The following NMBR variants were observed in gnomAD, a reference collection of about 807,000 sequenced individuals.
The protein encoded by NMBR is neuromedin-B receptor.
In NMBR, 16 loss-of-function variants were observed where a neutral mutation model predicts 20.5. The ratio of observed to expected loss-of-function variants is 0.78; its 90% CI spans 0.53 to 1.19. The LOEUF (loss-of-function observed/expected upper bound fraction) is 1.19. NMBR is among the 50% of genes most tolerant of loss of function. The pLI is 0.00. For synonymous variants in NMBR, 212 were observed against 196.6 expected, an observed-to-expected ratio of 1.08 and a Z score of -0.65; for missense variants, 582 against 499.1, an observed-to-expected ratio of 1.17 and a Z score of -1.58.
At chr6:142,105,677 A>G (rs1472306838) in intron 1 of NMBR, among the ~76,000 whole-genome samples, 1 of 152,128 alleles carries the variant, frequency 6.6e-6, no homozygotes, top group African/African-American at 2.4e-5. Flanking sequence ...TGTTCTGTAT[A>G]CAGAATTGTT....
intron 1 of NMBR, among the ~76,000 whole-genome samples, chr6:142,103,161 G>A (rs1777596419): frequency 1.3e-5 from 2 of 152,198 alleles, no homozygotes; most frequent in Admixed American, 6.5e-5. Context: ...CTGATACTCT[G>A]AGAAGACCAT....
At position 142,088,332 on chromosome 6, in the gene NMBR, C is replaced by T. The variant is rs1420990339; in HGVS notation, c.327G>A (p.Trp109Ter). The T allele has an allele frequency of 1.2e-6, 2 of 1,614,140 alleles. No homozygotes were observed. The highest frequency in any genetic ancestry group is 1.7e-6 in the Non-Finnish European group (2 of 1,180,032). The change falls in exon 2 of 4, where the codon TGG becomes TGA. Residue 109 changes from tryptophan to a stop codon, truncating the protein, a stop_gained. Coordinates refer to ENST00000258042, the MANE Select transcript of NMBR (RefSeq NM_002511.4). LOFTEE classifies it high-confidence loss of function. The stretch of plus-strand genomic sequence containing the variant: ...GTTTGCAGCCCACCTTGCCAAACAT[C>T]CACTCGTCGAAGAAGTAGCGCGAGG... Reference protein sequence around the residue: ...VDASRYFFDEWMFGKVGCKLI... With the variant: ...VDASRYFFDE
chr6:142,077,597 T>A (rs1325337688), intron 3 of NMBR, among the ~76,000 whole-genome samples: 2 of 152,222 alleles, frequency 1.3e-5, no homozygotes, highest in African/African-American at 4.8e-5. Flanking sequence ...GGATCTTTGA[T>A]GTTGATGGCC....
intron 1 of NMBR, among the ~76,000 whole-genome samples, chr6:142,137,682 T>A (rs1778285989): frequency 6.6e-6 from 1 of 152,174 alleles, no homozygotes; most frequent in African/African-American, 2.4e-5. Context: ...AATACCTAAT[T>A]TCTTGAGAGT....
At chr6:142,105,397 G>A (rs982805001) in intron 1 of NMBR, among the ~76,000 whole-genome samples, 1 of 152,134 alleles carries the variant, frequency 6.6e-6, no homozygotes, top group African/African-American at 2.4e-5. Flanking sequence ...CTAGTTTTAT[G>A]TTGTGTATTA....
At chr6:142,094,521 G>T (rs1172168811) in intron 1 of NMBR, among the ~76,000 whole-genome samples, 2 of 152,114 alleles carry the variant, frequency 1.3e-5, no homozygotes, top group East Asian at 3.9e-4. Flanking sequence ...TCTCTGTTTT[G>T]GTACCAGTAC....
At chr6:142,107,855 A>C (rs1001726728) in intron 1 of NMBR, among the ~76,000 whole-genome samples, 6 of 137,700 alleles carry the variant, frequency 4.4e-5, no homozygotes, top group Admixed American at 7.7e-5. Context: ...ATGTCTCAAC[A>C]AATAGAGACT....
chr6:142,099,562 C>A (rs1367960657), intron 1 of NMBR, among the ~76,000 whole-genome samples: 20 of 152,090 alleles, frequency 1.3e-4, no homozygotes, highest in African/African-American at 4.6e-4. Flanking sequence ...CCAGGCCCCT[C>A]CCCCGACATG....
intron 1 of NMBR, among the ~76,000 whole-genome samples, chr6:142,120,901 G>A (rs917094946): frequency 5.3e-5 from 8 of 151,794 alleles, no homozygotes; most frequent in Admixed American, 3.3e-4. Flanking sequence ...TCATTTTATC[G>A]TGTTTCATTT....
intron 2 of NMBR, among the ~76,000 whole-genome samples, chr6:142,085,184 G>A (rs116780035): frequency 0.012 from 1,839 of 152,258 alleles, 38 homozygotes; most frequent in South Asian, 0.067. Flanking sequence ...CTAGGGATGT[G>A]TCTGCTGAAA....
At chr6:142,079,139 A>AAGAG (rs1299408311) in intron 2 of NMBR, among the ~76,000 whole-genome samples, 1 of 103,626 alleles carries the variant, frequency 9.7e-6, no homozygotes, top group Non-Finnish European at 1.9e-5. Flanking sequence ...GAAAGAAAGA[A>AAGAG]AGAAAAAGAA....
At chr6:142,142,139 T>G (rs1245994844) in intron 1 of NMBR, among the ~76,000 whole-genome samples, 1 of 152,138 alleles carries the variant, frequency 6.6e-6, no homozygotes, top group Non-Finnish European at 1.5e-5. Context: ...TACTAAAAAT[T>G]GAAAGACATA....
At chr6:142,144,515 C>T (rs1331007207) in intron 1 of NMBR, among the ~76,000 whole-genome samples, 12 of 152,122 alleles carry the variant, frequency 7.9e-5, no homozygotes, top group South Asian at 2.1e-4. Context: ...TCTGCCCTCC[C>T]CTTACTTGCC....
At chr6:142,082,822 T>C (rs1777125744) in intron 2 of NMBR, among the ~76,000 whole-genome samples, 1 of 152,338 alleles carries the variant, frequency 6.6e-6, no homozygotes, top group South Asian at 2.1e-4. Flanking sequence ...CATTCTTCTT[T>C]TGCAAATAAG....
At chr6:142,094,753 T>C (rs1395620531) in intron 1 of NMBR, among the ~76,000 whole-genome samples, 1 of 152,212 alleles carries the variant, frequency 6.6e-6, no homozygotes, top group African/African-American at 2.4e-5. Context: ...AGTATGTCCA[T>C]TTCCACGATA....
chr6:142,118,875 C>G (rs1777897157), intron 1 of NMBR, among the ~76,000 whole-genome samples: 1 of 151,910 alleles, frequency 6.6e-6, no homozygotes, highest in Non-Finnish European at 1.5e-5. Flanking sequence ...TTCATGCTCC[C>G]CAAGTGTATT....
At chr6:142,144,185 TG>T (rs941756657) in intron 1 of NMBR, among the ~76,000 whole-genome samples, 2 of 152,174 alleles carry the variant, frequency 1.3e-5, no homozygotes, top group East Asian at 1.9e-4. Flanking sequence ...TATTTCTACT[TG>T]GGGGGGATGC....
At chr6:142,081,207 G>C (rs1053577073) in intron 2 of NMBR, among the ~76,000 whole-genome samples, 11 of 151,960 alleles carry the variant, frequency 7.2e-5, no homozygotes, top group African/African-American at 2.4e-4. Context: ...CCACTCTCAT[G>C]ACCTAATCAC....
At chr6:142,138,114 G>A (rs955983399) in intron 1 of NMBR, among the ~76,000 whole-genome samples, 2 of 152,002 alleles carry the variant, frequency 1.3e-5, no homozygotes, top group African/African-American at 2.4e-5. Context: ...ATTTTATATT[G>A]ATTTAGTGTA....
Sources: gnomAD v4.1 joint callset for allele counts (sites outside exome capture counted in the v4.1 genomes callset) on GRCh38, gnomAD v4.1.1 for gene constraint, MANE v1.5 for transcripts, NCBI Gene and HGNC (gene_info 2026-07-23, HGNC 2026-07-21) for gene names.